The following TG variants were observed in gnomAD, a reference collection of about 807,000 sequenced individuals.
The protein encoded by TG is thyroglobulin, also known as thyroid hormones.
Under a neutral mutation model 324.7 loss-of-function variants are expected in TG, and 270 were observed. That is an observed-to-expected ratio of 0.83 (90% confidence interval 0.75 to 0.92). TG has a LOEUF of 0.92. Ranked by LOEUF, TG falls within the 40% of genes least tolerant of loss-of-function variation. The pLI, the probability that TG is intolerant of heterozygous loss-of-function variation, is 0.00. For synonymous variants in TG, 1,401 were observed against 1,327.0 expected (o/e 1.06, Z -1.21); for missense variants, 3,591 against 3,456.4 (o/e 1.04, Z -0.98).
intron 41 of TG, among the ~76,000 whole-genome samples, chr8:133,073,541 A>G (rs1341258876): frequency 6.6e-6 from 1 of 152,112 alleles, no homozygotes; most frequent in African/African-American, 2.4e-5. Context: ...TTTGTATTAA[A>G]TAGCATTCTT....
intron 35 of TG, among the ~76,000 whole-genome samples, chr8:132,994,138 A>T (rs576136130): frequency 6.6e-6 from 1 of 152,142 alleles, no homozygotes; most frequent in Non-Finnish European, 1.5e-5. Context: ...CACTGTGATG[A>T]AAAAGTGGTT....
chr8:133,116,580 A>G, intron 44 of TG, 29 bp from the exon 45 acceptor site: 1 of 1,598,458 alleles, frequency 6.3e-7, no homozygotes, highest in Non-Finnish European at 8.6e-7. Context: ...ATGTTTAACC[A>G]GACTCCCCCC....
intron 29 of TG, among the ~76,000 whole-genome samples, chr8:132,963,445 G>C (rs1032054252): frequency 6.6e-6 from 1 of 152,180 alleles, no homozygotes; most frequent in African/African-American, 2.4e-5. Flanking sequence ...ATTGTTTCAT[G>C]AATGACATGT....
intron 43 of TG, among the ~76,000 whole-genome samples, chr8:133,104,037 G>A (rs1350517511): frequency 6.6e-6 from 1 of 152,208 alleles, no homozygotes; most frequent in Non-Finnish European, 1.5e-5. Flanking sequence ...TTCGGAGGAG[G>A]TGACTTCTGG....
intron 26 of TG, among the ~76,000 whole-genome samples, chr8:132,944,319 C>G (rs1163858491): frequency 2.0e-5 from 3 of 152,148 alleles, no homozygotes; most frequent in African/African-American, 7.2e-5. Flanking sequence ...TGGCCTCTCA[C>G]CACCAACCCC....
chr8:133,044,859 G>T, intron 41 of TG: 1 of 891,542 alleles, frequency 1.1e-6, no homozygotes, highest in Non-Finnish European at 1.8e-6. Context: ...TAACGAGAGA[G>T]CATATCATGA....
At chr8:132,899,034 TTGTC>T in intron 14 of TG, 124 bp downstream of exon 14, 1 of 869,904 alleles carries the variant, frequency 1.1e-6, no homozygotes, top group Non-Finnish European at 1.9e-6. Context: ...GCCTGGGTGT[TTGTC>T]TGGGCCTGCT....
At chr8:132,993,370 A>G (rs140773127) in intron 35 of TG, among the ~76,000 whole-genome samples, 15 of 152,360 alleles carry the variant, frequency 9.8e-5, no homozygotes, top group African/African-American at 3.6e-4. Flanking sequence ...CTCCTTAAGT[A>G]TGTGACCTTG....
chr8:132,936,388 A>C (rs981342191), intron 25 of TG, among the ~76,000 whole-genome samples: 2 of 152,174 alleles, frequency 1.3e-5, no homozygotes, highest in African/African-American at 2.4e-5. Context: ...TTTTCCTCCC[A>C]GTGAACCCAG....
intron 41 of TG, among the ~76,000 whole-genome samples, chr8:133,073,913 T>C (rs1049912557): frequency 2.0e-5 from 3 of 152,124 alleles, no homozygotes; most frequent in African/African-American, 7.2e-5. Flanking sequence ...TATAGGATTG[T>C]TCTGAGGATT....
intron 41 of TG, among the ~76,000 whole-genome samples, chr8:133,083,340 G>A (rs990118765): frequency 1.3e-5 from 2 of 152,116 alleles, no homozygotes; most frequent in African/African-American, 2.4e-5. Flanking sequence ...ACTATTTATT[G>A]TAAACTTGAA....
At chr8:132,972,286 G>T in intron 33 of TG, 1 of 484,466 alleles carries the variant, frequency 2.1e-6, no homozygotes, top group Non-Finnish European at 3.7e-6. Context: ...CTGTATATAG[G>T]GCTACCAAAG....
intron 41 of TG, among the ~76,000 whole-genome samples, chr8:133,091,345 G>A (rs1275459096): frequency 6.6e-6 from 1 of 152,196 alleles, no homozygotes; most frequent in African/African-American, 2.4e-5. Context: ...TTCCAGGGTG[G>A]GACTGAGAAG....
intron 5 of TG, among the ~76,000 whole-genome samples, chr8:132,879,204 T>C (rs1563898031): frequency 6.6e-6 from 1 of 152,232 alleles, no homozygotes; most frequent in Non-Finnish European, 1.5e-5. Flanking sequence ...AATGGAATTG[T>C]GGGCACACAG....
chr8:133,002,882 T>G (rs1227852245), intron 35 of TG: 1 of 397,404 alleles, frequency 2.5e-6, no homozygotes, highest in African/African-American at 2.2e-5. Flanking sequence ...TGGGGAACAT[T>G]GTAAACGCTT....
intron 10 of TG, among the ~76,000 whole-genome samples, chr8:132,889,306 G>A (rs1272553218): frequency 6.6e-6 from 1 of 152,196 alleles, no homozygotes; most frequent in Non-Finnish European, 1.5e-5. Context: ...AATATTATAG[G>A]TGATATGACA....
intron 26 of TG, among the ~76,000 whole-genome samples, chr8:132,944,909 G>A (rs1283582464): frequency 1.3e-5 from 2 of 152,210 alleles, no homozygotes; most frequent in Admixed American, 1.3e-4. Context: ...AGTCCCTGTG[G>A]GAAGAGGGTG....
intron 24 of TG, 95 bp from the exon 25 acceptor site, chr8:132,935,661 C>T: frequency 9.0e-7 from 1 of 1,117,306 alleles, no homozygotes; most frequent in Admixed American, 1.9e-5. Flanking sequence ...CCTTTGTAGC[C>T]CTGGTGCCTA....
At chr8:132,964,573 C>T in intron 29 of TG, 1 of 289,648 alleles carries the variant, frequency 3.5e-6, no homozygotes, top group Non-Finnish European at 6.5e-6. Flanking sequence ...ATGTTTGAGA[C>T]AAACCCAGGA....
Sources: gnomAD v4.1 joint callset for allele counts (sites outside exome capture counted in the v4.1 genomes callset) on GRCh38, gnomAD v4.1.1 for gene constraint, MANE v1.5 for transcripts, NCBI Gene and HGNC (gene_info 2026-07-23, HGNC 2026-07-21) for gene names.